Variants in NHEJ1 observed in about 807,000 individuals in gnomAD.
The protein encoded by NHEJ1 is non-homologous end-joining factor 1.
NHEJ1 carries 22 observed loss-of-function variants against 39.4 expected under a neutral mutation model. The ratio of observed to expected loss-of-function variants is 0.56; its 90% CI spans 0.40 to 0.80. The LOEUF (loss-of-function observed/expected upper bound fraction) is 0.80. NHEJ1 is among the 30% of genes least tolerant of loss of function. NHEJ1 has a pLI of 0.00. For missense variants in NHEJ1, 329 were observed against 357.1 expected (o/e 0.92, Z 0.63); for synonymous variants, 154 against 135.6 (o/e 1.14, Z -0.94).
intron 5 of NHEJ1, among the ~76,000 whole-genome samples, chr2:219,112,827 A>G (rs1346440324): frequency 6.6e-6 from 1 of 152,192 alleles, no homozygotes; most frequent in South Asian, 2.1e-4. Flanking sequence ...ACAATGAATA[A>G]GAGTAAGCAG....
chr2:219,139,968 C>T (rs922717122), intron 5 of NHEJ1, among the ~76,000 whole-genome samples: 2 of 152,304 alleles, frequency 1.3e-5, no homozygotes, highest in Admixed American at 6.5e-5. Flanking sequence ...CGTAAGCCAC[C>T]GCACCCAGCC....
chr2:219,116,944 T>C (rs1375020104), intron 5 of NHEJ1, among the ~76,000 whole-genome samples: 1 of 152,102 alleles, frequency 6.6e-6, no homozygotes. Context: ...TGTCACAGCC[T>C]GCAGTGAATA....
At chr2:219,155,300 C>T (rs1949842596) in intron 3 of NHEJ1, among the ~76,000 whole-genome samples, 1 of 151,918 alleles carries the variant, frequency 6.6e-6, no homozygotes, top group African/African-American at 2.4e-5. Flanking sequence ...GGGCCAGGCT[C>T]CTGCTTGTAA....
intron 5 of NHEJ1, among the ~76,000 whole-genome samples, chr2:219,097,124 A>AT (rs1949215983): frequency 6.6e-6 from 1 of 152,362 alleles, no homozygotes; most frequent in African/African-American, 2.4e-5. Context: ...GAAGGCTAAT[A>AT]TAAGTGTTCT....
At chr2:219,122,923 T>C (rs543999827) in intron 5 of NHEJ1, among the ~76,000 whole-genome samples, 2 of 152,150 alleles carry the variant, frequency 1.3e-5, no homozygotes, top group Non-Finnish European at 2.9e-5. Context: ...AAAGAGTGGA[T>C]AGCGGAGGCC....
intron 5 of NHEJ1, among the ~76,000 whole-genome samples, chr2:219,136,833 C>A (rs370709977): frequency 5.4e-4 from 82 of 152,190 alleles, no homozygotes; most frequent in African/African-American, 1.7e-3. Flanking sequence ...AAACTCCCGA[C>A]CTCAACTGAT....
intron 4 of NHEJ1, 125 bp from the exon 5 acceptor site, chr2:219,146,863 T>C (rs1445167099): frequency 1.3e-6 from 1 of 749,518 alleles, no homozygotes; most frequent in Non-Finnish European, 2.4e-6. Flanking sequence ...CAGAGACACC[T>C]AGTTCAGTGG....
chr2:219,082,386 T>C (rs1240402201), intron 5 of NHEJ1, among the ~76,000 whole-genome samples: 1 of 152,196 alleles, frequency 6.6e-6, no homozygotes, highest in African/African-American at 2.4e-5. Context: ...CTCATCTTCA[T>C]GGGGTCTAAA....
intron 1 of NHEJ1, among the ~76,000 whole-genome samples, chr2:219,159,552 CATATATATATGCATATATATATGCAT>C (rs1559206225): frequency 0.019 from 1,267 of 66,104 alleles, 144 homozygotes; most frequent in Non-Finnish European, 0.025. Flanking sequence ...TATATATATG[CATATATATATGCATATATATATGCAT>C]ATATATATGC....
chr2:219,114,938 G>C (rs1002216596), intron 5 of NHEJ1, among the ~76,000 whole-genome samples: 1 of 152,128 alleles, frequency 6.6e-6, no homozygotes, highest in African/African-American at 2.4e-5. Context: ...CAAGCCAAGG[G>C]AAAACGCTGT....
chr2:219,098,721 T>C, intron 5 of NHEJ1, among the ~76,000 whole-genome samples: 1 of 151,886 alleles, frequency 6.6e-6, no homozygotes, highest in East Asian at 1.9e-4. Flanking sequence ...GAGGCCGAGG[T>C]AGGAGGATTG....
In NHEJ1 at chr2:219,072,647, A is replaced by G. The variant is rs938314061; in HGVS notation, c.*3734T>C. Among the ~76,000 whole-genome samples, 3 of 152,214 alleles carry G rather than the reference A, an allele frequency of 2.0e-5. No individual in the cohort carries two copies. Among genetic ancestry groups the G allele is most frequent in the Admixed American group, 6.5e-5 (1 of 15,282 alleles). On this transcript the variant is annotated 3_prime_UTR_variant, in exon 8 of 8. Coordinates refer to ENST00000356853, the MANE Select transcript of NHEJ1 (RefSeq NM_024782.3). ...GTTCTCAAAGAGTATAACCTAATGA[A>G]AGGATGAAAACAGAAAAGTGCACAG...
At chr2:219,077,495 C>G (rs1409700959) in intron 6 of NHEJ1, 131 bp from the exon 7 acceptor site, 10 of 764,882 alleles carry the variant, frequency 1.3e-5, no homozygotes, top group Non-Finnish European at 2.3e-5. Flanking sequence ...GAAGTAGCCA[C>G]AAGTCCAACT....
At chr2:219,155,442 ATTT>A (rs915282893) in intron 3 of NHEJ1, among the ~76,000 whole-genome samples, 3 of 151,552 alleles carry the variant, frequency 2.0e-5, no homozygotes, top group African/African-American at 7.2e-5. Flanking sequence ...TTTTAATTTT[ATTT>A]TTTAAATTTA....
At chr2:219,115,601 TA>T (rs955485422) in intron 5 of NHEJ1, among the ~76,000 whole-genome samples, 6 of 152,170 alleles carry the variant, frequency 3.9e-5, no homozygotes, top group Admixed American at 3.9e-4. Flanking sequence ...AACTCTGACC[TA>T]AAGAGGCTTA....
intron 1 of NHEJ1, among the ~76,000 whole-genome samples, chr2:219,158,666 C>G (rs1042752557): frequency 6.6e-6 from 1 of 151,972 alleles, no homozygotes; most frequent in Non-Finnish European, 1.5e-5. Context: ...TTTCTGCTTT[C>G]TAATACTATA....
At chr2:219,105,911 T>A (rs1011937889) in intron 5 of NHEJ1, among the ~76,000 whole-genome samples, 2 of 152,236 alleles carry the variant, frequency 1.3e-5, no homozygotes, top group Admixed American at 1.3e-4. Context: ...TTCCATGGGG[T>A]TATAAGCTCC....
In NHEJ1 at chr2:219,159,578, T is replaced by TATATATATATATGC. The variant is rs1559206377; in HGVS notation, c.-1+1141_-1+1142insGCATATATATATAT. ...ATATATATATGCATATATATATGCATATATATATGCATATATATATATGCA... is the reference window on the plus strand; with the variant it reads ...ATATATATATGCATATATATATGCATATATATATATATGCATATATATGCATATATATATATGCA... On this transcript the variant is annotated intron_variant, in intron 1 of 7. Transcript: ENST00000356853. 1.2e-3 allele frequency among the ~76,000 whole-genome samples: 68 copies of TATATATATATATGC among 56,338 alleles called. 3 individuals carry two copies. Among genetic ancestry groups the TATATATATATATGC allele is most frequent in the Admixed American group, 1.4e-3 (8 of 5,536 alleles). The allele number at this position is 56,338 out of a possible 152,430, so 37.0% of individuals were successfully genotyped here. A position where few individuals can be genotyped will look rare whatever the true frequency, so the allele number is the denominator to read the frequency against.
intron 5 of NHEJ1, among the ~76,000 whole-genome samples, chr2:219,085,598 A>G (rs1223710544): frequency 6.6e-6 from 1 of 152,170 alleles, no homozygotes; most frequent in Non-Finnish European, 1.5e-5. Context: ...CTCTATGATT[A>G]GCCTCCAGCT....
Sources: gnomAD v4.1 joint callset for allele counts (sites outside exome capture counted in the v4.1 genomes callset) on GRCh38, gnomAD v4.1.1 for gene constraint, MANE v1.5 for transcripts, NCBI Gene and HGNC (gene_info 2026-07-23, HGNC 2026-07-21) for gene names.